The following ZRANB1 variants were observed in gnomAD, a reference collection of about 807,000 sequenced individuals.
The protein encoded by ZRANB1 is ubiquitin thioesterase ZRANB1.
A neutral mutation model predicts 80.5 loss-of-function variants in ZRANB1; 16 were observed. That is an observed-to-expected ratio of 0.20 (90% CI 0.13 to 0.30). The LOEUF is 0.30. Among genes scored for constraint, ZRANB1 ranks in the 10% least tolerant of loss-of-function variants. The pLI is 1.00. For synonymous variants in ZRANB1, 291 were observed against 293.1 expected, an observed-to-expected ratio of 0.99 and a Z score of 0.07; for missense variants, 576 against 862.6, an observed-to-expected ratio of 0.67 and a Z score of 4.16.
At chr10:124,968,533 G>A (rs923668552) in intron 2 of ZRANB1, among the ~76,000 whole-genome samples, 2 of 152,182 alleles carry the variant, frequency 1.3e-5, no homozygotes, top group Non-Finnish European at 2.9e-5. Flanking sequence ...TTCAGATAGA[G>A]GGATCCAGGT....
rs758407695 is a variant in ZRANB1 at position 124,942,894 on chromosome 10, T to C, written c.401T>C (p.Val134Ala). The C allele has an allele frequency of 3.1e-6, 5 of 1,614,114 alleles. No individual in the cohort carries two copies. Among genetic ancestry groups the C allele is most frequent in the Non-Finnish European group, 4.2e-6 (5 of 1,180,056 alleles). Residue 134 changes from valine (V) to alanine (A), a missense_variant, in exon 1 of 9, where the codon GTT becomes GCT. Physicochemically the swap from Val to Ala is moderately conservative, Grantham distance 64. This residue lies in a region of ZRANB1 where 411 missense variants were observed against 583.1 expected (regional missense o/e 0.70). Transcript: ENST00000359653. Reference protein sequence around the residue: ...GSGSRPVAFSVDPCEEYNDRN... With the variant: ...GSGSRPVAFSADPCEEYNDRN... ...GGCTCAAGACCAGTTGCTTTTTCTG[T>C]TGATCCTTGTGAGGAATACAATGAT...
chr10:124,951,919 C>T (rs754042506), intron 1 of ZRANB1, among the ~76,000 whole-genome samples: 3 of 151,730 alleles, frequency 2.0e-5, no homozygotes, highest in East Asian at 1.9e-4. Flanking sequence ...ATCATGCCAC[C>T]GCACTCCAGC....
intron 5 of ZRANB1, among the ~76,000 whole-genome samples, chr10:124,977,711 GA>G (rs752296814): frequency 0.081 from 3,925 of 48,682 alleles, 130 homozygotes; most frequent in African/African-American, 0.23. Flanking sequence ...ACCCTGCTAA[GA>G]AAAAAAAAAA....
intron 1 of ZRANB1, among the ~76,000 whole-genome samples, chr10:124,963,764 G>A (rs1040498476): frequency 2.4e-4 from 37 of 152,084 alleles, no homozygotes; most frequent in Admixed American, 3.9e-4. Context: ...CAATAAAGAC[G>A]TAGCAAAAAT....
chr10:124,922,863 A>G, the ZRANB1 span, among the ~76,000 whole-genome samples: 2 of 152,162 alleles, frequency 1.3e-5, no homozygotes, highest in South Asian at 4.1e-4. Context: ...GTAATGAAAA[A>G]AATAAACTAC....
At chr10:124,934,093 T>C in the ZRANB1 span, among the ~76,000 whole-genome samples, 1 of 152,248 alleles carries the variant, frequency 6.6e-6, no homozygotes, top group Non-Finnish European at 1.5e-5. Context: ...CAGATTAAAA[T>C]GTAACATTTA....
intron 8 of ZRANB1, 116 bp from the exon 9 acceptor site, chr10:124,984,658 G>A: frequency 9.9e-7 from 1 of 1,006,874 alleles, no homozygotes; most frequent in Non-Finnish European, 1.4e-6. Flanking sequence ...GTGAAAAGTT[G>A]ATTGCTTTGG....
chr10:124,940,956 T>A (rs552146793), upstream of ZRANB1, among the ~76,000 whole-genome samples: 8 of 152,036 alleles, frequency 5.3e-5, no homozygotes, highest in East Asian at 1.6e-3. Context: ...CATTCCAGCC[T>A]GGGCAAAACA....
chr10:124,987,232 T>C lies in ZRANB1; in HGVS notation c.*2240T>C, dbSNP rs1449952672. 6.6e-6 allele frequency: 1 copy of C among 152,640 alleles called. No individual in the cohort carries two copies. Among genetic ancestry groups the C allele is most frequent in the African/African-American group, 2.4e-5 (1 of 41,444 alleles). The allele number at this position is 152,640 out of a possible 1,614,324, so 9.5% of individuals were successfully genotyped here. ...TTTTTCAAAGATGATTATACGTGGC[T>C]AGGTGACAGACATTAATGACTGACT... is the stretch of plus-strand genomic sequence containing the variant. On this transcript the variant is annotated 3_prime_UTR_variant, in exon 9 of 9. Transcript: ENST00000359653.
chr10:124,965,146 G>C (rs1158835140), intron 1 of ZRANB1, among the ~76,000 whole-genome samples: 1 of 152,188 alleles, frequency 6.6e-6, no homozygotes, highest in Non-Finnish European at 1.5e-5. Flanking sequence ...GACTTCTCTA[G>C]GGTACACTGT....
At chr10:124,922,761 G>C in the ZRANB1 span, among the ~76,000 whole-genome samples, 3 of 151,962 alleles carry the variant, frequency 2.0e-5, no homozygotes, top group South Asian at 2.1e-4. Flanking sequence ...AAAGTGCTGG[G>C]ATTACAGGCG....
the ZRANB1 span, among the ~76,000 whole-genome samples, chr10:124,919,908 G>GCCCCCCC: frequency 1.1e-4 from 6 of 56,682 alleles, 1 homozygote; most frequent in African/African-American, 5.1e-4. Context: ...ACCGCGCCCG[G>GCCCCCCC]CCCCCCCCCC....
At chr10:124,926,212 A>G in the ZRANB1 span, among the ~76,000 whole-genome samples, 5 of 152,372 alleles carry the variant, frequency 3.3e-5, no homozygotes, top group African/African-American at 9.6e-5. Context: ...ACACCACTGT[A>G]GACTTCATAG....
chr10:124,943,872 G>A (rs772957606), intron 1 of ZRANB1, among the ~76,000 whole-genome samples: 3 of 152,168 alleles, frequency 2.0e-5, no homozygotes, highest in Non-Finnish European at 4.4e-5. Context: ...GATGATAGAA[G>A]CTTTAGTCAG....
rs1384478461 is a variant in ZRANB1 at position 124,984,935 on chromosome 10, C to A, written c.2070C>A (p.Ile690=). 6.2e-7 allele frequency: 1 copy of A among 1,613,794 alleles called. No individual in the cohort carries two copies. The highest frequency in any genetic ancestry group is 8.5e-7 in the Non-Finnish European group (1 of 1,179,964). Residue 690 remains isoleucine, a synonymous_variant, in exon 9 of 9, where the codon ATC becomes ATA. Transcript: ENST00000359653. ...VEKWLDRYRQ[I]RPCTSLSDGE... is the part of the protein sequence containing the mutation. ...AATGGCTTGACCGCTACCGACAGAT[C>A]CGGCCGTGTACATCCCTGTCTGATG...
At chr10:124,936,465 G>C in the ZRANB1 span, among the ~76,000 whole-genome samples, 3 of 152,304 alleles carry the variant, frequency 2.0e-5, no homozygotes, top group Admixed American at 6.5e-5. Context: ...GGAAACTGGA[G>C]AAGTCAAGAT....
In ZRANB1 at chr10:124,987,676, G is replaced by C. The variant is rs145920441; in HGVS notation, c.*2684G>C. 1 of 152,178 alleles carries C rather than the reference G, an allele frequency of 6.6e-6. No individual in the cohort carries two copies. Among genetic ancestry groups the C allele is most frequent in the South Asian group, 2.1e-4 (1 of 4,834 alleles). 9.4% of individuals were successfully genotyped at this position (152,178 alleles called of 1,614,324 possible). Reference sequence around the variant, plus strand: ...TGTGTTAATAGACACTTTTATGGTAGAGTTGGGATGGGGCCACCACCTTAA... The same window carrying C: ...TGTGTTAATAGACACTTTTATGGTACAGTTGGGATGGGGCCACCACCTTAA... On this transcript the variant is annotated 3_prime_UTR_variant, in exon 9 of 9. Coordinates refer to ENST00000359653, the MANE Select transcript of ZRANB1 (RefSeq NM_017580.3).
the ZRANB1 span, among the ~76,000 whole-genome samples, chr10:124,936,656 T>C: frequency 2.0e-5 from 3 of 152,182 alleles, no homozygotes; most frequent in African/African-American, 7.2e-5. Flanking sequence ...GATGAAAGAA[T>C]ATACTGATGA....
chr10:124,919,120 A>G, the ZRANB1 span, among the ~76,000 whole-genome samples: 13 of 152,210 alleles, frequency 8.5e-5, no homozygotes, highest in African/African-American at 3.1e-4. Context: ...AAGTCTGAGG[A>G]TTAACATAGT....
Sources: gnomAD v4.1 joint callset for allele counts (sites outside exome capture counted in the v4.1 genomes callset) on GRCh38, gnomAD v4.1.1 for gene constraint, gnomAD v4.1.1 regional missense constraint, MANE v1.5 for transcripts, NCBI Gene and HGNC (gene_info 2026-07-23, HGNC 2026-07-21) for gene names.